Variants in CFAP65 observed in about 807,000 individuals in gnomAD.
CFAP65 encodes the protein cilia- and flagella-associated protein 65.
CFAP65 carries 155 observed loss-of-function variants against 208.0 expected under a neutral mutation model. The observed-to-expected ratio is 0.75, with a 90% CI of 0.65 to 0.85. CFAP65 has a LOEUF of 0.85. CFAP65 is among the 40% of genes least tolerant of loss of function. The pLI is 0.00. For synonymous variants in CFAP65, 970 were observed against 986.3 expected, an observed-to-expected ratio of 0.98 and a Z score of 0.31; for missense variants, 2,294 against 2,451.3, an observed-to-expected ratio of 0.94 and a Z score of 1.36.
At position 219,002,968 on chromosome 2, in the gene CFAP65, G is replaced by GGGTGGA. The variant is rs1559107975; in HGVS notation, c.5741_5746dup (p.Leu1914_His1915dup). On this transcript the variant is annotated inframe_insertion, in exon 35 of 35. Coordinates refer to ENST00000341552, the MANE Select transcript of CFAP65 (RefSeq NM_194302.4). This position sits in a 1 kb window ranked among gnomAD's most constrained non-coding sequence, Gnocchi z 7.9. ...AAGGTCGGTAGGAAGTGGCACCACC[G>GGGTGGA]GGTGGAGTACCTCTGCTTGCTGCGT... is the stretch of plus-strand genomic sequence containing the variant. 3 of 1,566,684 alleles carry GGGTGGA rather than the reference G, an allele frequency of 1.9e-6. No homozygotes were observed. The highest frequency in any genetic ancestry group is 2.6e-6 in the Non-Finnish European group (3 of 1,155,490).
chr2:219,023,291 C>A lies in CFAP65; in HGVS notation c.2736G>T (p.Gln912His). The A allele has an allele frequency of 6.2e-7, 1 of 1,613,396 alleles. No individual in the cohort carries two copies. The highest frequency in any genetic ancestry group is 1.1e-5 in the South Asian group (1 of 90,872). The change falls in exon 16 of 35, where the codon CAG (glutamine) becomes CAT (histidine). Residue 912 changes from glutamine to histidine, a missense_variant. Transcript: ENST00000341552. Reference sequence around the variant, plus strand: ...GCTGCTCAGAGACCCTCCACTCGAACTGCAGGGGCAGACGCGAGGGGTTGC... The same window carrying A: ...GCTGCTCAGAGACCCTCCACTCGAAATGCAGGGGCAGACGCGAGGGGTTGC... ...TFRNPSRLPL[Q>H]FEWRVSEQHR...
rs147238801 is a variant in CFAP65, at chr2:219,035,628, T to C, written c.394A>G (p.Lys132Glu). ...SSMDTQMHSP[K>E]KQERVNKRVI... is the part of the protein sequence containing the mutation. ...CTCTTGTTCACTCTCTCCTGCTTCTTTGGGGAGTGCATCTGAGTGTCCATG... is the reference window on the plus strand; with the variant it reads ...CTCTTGTTCACTCTCTCCTGCTTCTCTGGGGAGTGCATCTGAGTGTCCATG... The change falls in exon 5 of 35, where the codon AAG (lysine) becomes GAG (glutamate). Residue 132 changes from lysine to glutamate, a missense_variant. This residue lies in a region of CFAP65 where 867 missense variants were observed against 1,012.6 expected (regional missense o/e 0.86). Coordinates refer to ENST00000341552, the MANE Select transcript of CFAP65 (RefSeq NM_194302.4). 160 of 1,613,966 alleles carry C rather than the reference T, an allele frequency of 9.9e-5. 1 individual carries two copies. The African/African-American group carries it at 1.8e-3, about 19-fold the overall frequency.
intron 26 of CFAP65, 143 bp from the exon 27 acceptor site, chr2:219,010,228 C>A (rs1425371235): frequency 6.8e-6 from 5 of 733,086 alleles, no homozygotes; most frequent in Non-Finnish European, 8.7e-6. Flanking sequence ...CCTTTTGACA[C>A]CTTTCAACAC....
At chr2:219,021,569 ATGT>A (rs1947264955) in intron 18 of CFAP65, among the ~76,000 whole-genome samples, 3 of 152,174 alleles carry the variant, frequency 2.0e-5, no homozygotes, top group African/African-American at 7.2e-5. Flanking sequence ...GGGTCTCGCT[ATGT>A]TGCCCAGGCT....
At chr2:219,020,950 G>A (rs1027587904) in intron 19 of CFAP65, among the ~76,000 whole-genome samples, 1 of 152,190 alleles carries the variant, frequency 6.6e-6, no homozygotes, top group African/African-American at 2.4e-5. Context: ...TCTTTGCACT[G>A]GGCACATGCA....
Position 219,021,897 on chromosome 2 carries a change from G to A in CFAP65, c.3013C>T (p.Leu1005=). The A allele has an allele frequency of 1.2e-6, 2 of 1,613,760 alleles. No homozygotes were observed. Among genetic ancestry groups the A allele is most frequent in the Non-Finnish European group, 1.7e-6 (2 of 1,180,014 alleles). ...KEKELAFGNV[L]VNSKQSRFLV... ...AACCTGGACTGCTTGCTGTTCACCA[G>A]CACATTCCCAAAGGCCAGCTCCTTT... The change falls in exon 18 of 35, where the codon CTG becomes TTG. Residue 1005 remains leucine (L), a synonymous_variant. Coordinates refer to ENST00000341552, the MANE Select transcript of CFAP65 (RefSeq NM_194302.4).
intron 29 of CFAP65, among the ~76,000 whole-genome samples, chr2:219,008,833 C>T (rs1052082555): frequency 2.6e-5 from 4 of 152,218 alleles, no homozygotes; most frequent in East Asian, 3.8e-4. Flanking sequence ...GCTGGCTACA[C>T]GAGGCAGGGA....
chr2:219,010,913 A>C lies in CFAP65; in HGVS notation c.4041T>G (p.Asn1347Lys). 6.2e-7 allele frequency: 1 copy of C among 1,613,806 alleles called. No homozygotes were observed. The highest frequency in any genetic ancestry group is 8.5e-7 in the Non-Finnish European group (1 of 1,180,002). The change falls in exon 25 of 35, where the codon AAT becomes AAG. Residue 1347 changes from asparagine (N) to lysine (K), a missense_variant. Around this residue, in one of 2 missense-constraint regions of CFAP65, gnomAD observed 1,427 missense variants for 1,438.7 expected, o/e 0.99. Transcript: ENST00000341552. ...GGCAGCAAAAGATGGGGTGATCAAA[A>C]TTTTTTTCCTGAACCTGTGACAGGA... ...TDVLSQVQEK[N>K]FDHPIFCCLN...
rs577374508 is a variant in CFAP65 at position 219,031,770 on chromosome 2, G to A, written c.646-112C>T. ...CAACCGCTGAGGGGAGGGCCAGGCC[G>A]TGGCACCCACGTCAGACTCTGAGGG... On this transcript the variant is annotated intron_variant, in intron 6 of 34. Transcript: ENST00000341552. This position sits in a 1 kb window ranked among gnomAD's most constrained non-coding sequence, Gnocchi z 5.2. 67 of 1,317,652 alleles carry A rather than the reference G, an allele frequency of 5.1e-5. No individual in the cohort carries two copies. The highest frequency in any genetic ancestry group is 4.5e-4 in the South Asian group (31 of 69,128). 81.6% of individuals were successfully genotyped at this position (1,317,652 alleles called of 1,614,324 possible).
chr2:219,035,274 A>G (rs1948285543), intron 5 of CFAP65: 14 of 1,462,788 alleles, frequency 9.6e-6, no homozygotes, highest in Non-Finnish European at 1.2e-5. Context: ...ACATTATGGT[A>G]CAGGCACACA....
Position 219,006,129 on chromosome 2 carries a change from T to C in CFAP65, c.4814A>G (p.Gln1605Arg). The change falls in exon 31 of 35, where the codon CAG becomes CGG. Residue 1605 changes from glutamine to arginine, a missense_variant. This residue lies in a region of CFAP65 where 1,427 missense variants were observed against 1,438.7 expected (regional missense o/e 0.99). Coordinates refer to ENST00000341552, the MANE Select transcript of CFAP65 (RefSeq NM_194302.4). Reference sequence around the variant, plus strand: ...GCAGAGCATGCCTGGCGAGGGTGGCTGGGGGCAGGGCCAGGACACCTCCTC... The same window carrying C: ...GCAGAGCATGCCTGGCGAGGGTGGCCGGGGGCAGGGCCAGGACACCTCCTC... Reference protein sequence around the residue: ...PKEEVSWPCPQPPSPGMLCLG... With the variant: ...PKEEVSWPCPRPPSPGMLCLG... 6.2e-7 allele frequency: 1 copy of C among 1,613,644 alleles called. No homozygotes were observed.
chr2:219,013,668 G>T lies in CFAP65; in HGVS notation c.3780-83C>A, dbSNP rs894442394. The stretch of plus-strand genomic sequence containing the variant: ...AGCAAATGGACATGACATTTCTGTG[G>T]CTTTGAGCTGGCCAGCCCCTGGGAG... On this transcript the variant is annotated intron_variant, in intron 22 of 34. Transcript: ENST00000341552. The T allele has an allele frequency of 4.4e-6, 6 of 1,378,254 alleles. No individual in the cohort carries two copies. In the Admixed American group the frequency reaches 5.8e-5, roughly 13 times the overall value. The allele number at this position is 1,378,254 out of a possible 1,614,324, so 85.4% of individuals were successfully genotyped here. A position where few individuals can be genotyped will look rare whatever the true frequency, so the allele number is the denominator to read the frequency against.
intron 4 of CFAP65, among the ~76,000 whole-genome samples, 197 bp from the exon 5 acceptor site, chr2:219,035,861 G>C (rs1188365556): frequency 1.3e-5 from 2 of 152,182 alleles, no homozygotes; most frequent in Non-Finnish European, 2.9e-5. Flanking sequence ...GGTAGGCCCT[G>C]AAGTCAGACA....
chr2:219,038,281 G>A (rs140267649), intron 4 of CFAP65, 94 bp downstream of exon 4: 1,377 of 1,161,334 alleles, frequency 1.2e-3, no homozygotes, highest in Non-Finnish European at 1.6e-3. Context: ...GGAAGAGTCA[G>A]GGCCTCTCAA....
At chr2:219,025,613 T>C (rs758341059) in intron 14 of CFAP65, among the ~76,000 whole-genome samples, 19 of 152,080 alleles carry the variant, frequency 1.2e-4, no homozygotes, top group Non-Finnish European at 2.6e-4. Context: ...CTGCCTCTCA[T>C]AGGGCAGGGT....
rs1165169624 is a variant in CFAP65, at chr2:219,009,634, G to A, written c.4453-174C>T. Among the ~76,000 whole-genome samples, 301 of 120,972 alleles carry A rather than the reference G, an allele frequency of 2.5e-3. 1 individual carries two copies. The highest frequency in any genetic ancestry group is 0.011 in the African/African-American group (283 of 24,808). 79.4% of individuals were successfully genotyped at this position (120,972 alleles called of 152,430 possible). On this transcript the variant is annotated intron_variant, in intron 27 of 34. Coordinates refer to ENST00000341552, the MANE Select transcript of CFAP65 (RefSeq NM_194302.4). The stretch of plus-strand genomic sequence containing the variant: ...GACAAGATGGAATGGGATGGGATGG[G>A]ATGGGATGGGATGGGATGGGATAGG...
chr2:219,028,009 C>T lies in CFAP65; in HGVS notation c.1852G>A (p.Asp618Asn), dbSNP rs746514891. 40 of 1,516,940 alleles carry T rather than the reference C, an allele frequency of 2.6e-5. 1 individual carries two copies. The highest frequency in any genetic ancestry group is 2.7e-5 in the Non-Finnish European group (31 of 1,134,090). 94.0% of individuals were successfully genotyped at this position (1,516,940 alleles called of 1,614,324 possible). A position where few individuals can be genotyped will look rare whatever the true frequency, so the allele number is the denominator to read the frequency against. Residue 618 changes from aspartate (D) to asparagine (N), a missense_variant and splice_region_variant, in exon 13 of 35, where the codon GAT (aspartate) becomes AAT (asparagine). Physicochemically the swap from Asp to Asn is conservative, Grantham distance 23 (BLOSUM62 1). Around this residue, in one of 2 missense-constraint regions of CFAP65, gnomAD observed 867 missense variants for 1,012.6 expected, o/e 0.86. Transcript: ENST00000341552. ...QNGALMIPIQ[D>N]LEDMPAPQYP... ...TGCGGGGCCGGCATGTCCTCCAGATCCTGCATGGGGAAAGACAGGTGGATA... is the reference window on the plus strand; with the variant it reads ...TGCGGGGCCGGCATGTCCTCCAGATTCTGCATGGGGAAAGACAGGTGGATA...
intron 27 of CFAP65, among the ~76,000 whole-genome samples, chr2:219,009,667 G>A (rs187683154): frequency 9.0e-4 from 87 of 96,298 alleles, no homozygotes; most frequent in African/African-American, 4.4e-3. Flanking sequence ...AGGATGGGGT[G>A]GGATGGGGTG....
rs1947385747 is a variant in CFAP65, at chr2:219,023,209, GTC to G, written c.2816_2817del (p.Arg939ThrfsTer80). 6.2e-7 allele frequency: 1 copy of G among 1,611,046 alleles called. No individual in the cohort carries two copies. Among genetic ancestry groups the G allele is most frequent in the African/African-American group, 1.3e-5 (1 of 74,918 alleles). ...TCGGCAGGAGGGGAGCCACTCACAA[GTC>G]TCTCGTTGGGCTGGATTAGCCCCCT... ...PSRGLIQPNE[R>X]LTLTWTFSPL... is the part of the protein sequence containing the mutation. On this transcript the variant is annotated frameshift_variant, in exon 16 of 35. Coordinates refer to ENST00000341552, the MANE Select transcript of CFAP65 (RefSeq NM_194302.4). LOFTEE classifies it high-confidence loss of function.
Sources: allele counts gnomAD v4.1 joint callset (sites outside exome capture counted in the v4.1 genomes callset), GRCh38; gene constraint gnomAD v4.1.1; regional missense constraint gnomAD v4.1.1; non-coding constraint Gnocchi (gnomAD v3.1); transcripts MANE v1.5; gene names NCBI Gene and HGNC (gene_info 2026-07-23, HGNC 2026-07-21).